The following SYMPK variants were observed in gnomAD, a reference collection of about 807,000 sequenced individuals.
SYMPK encodes the protein symplekin scaffold protein.
In SYMPK, 49 loss-of-function variants were observed where a neutral mutation model predicts 136.4. The observed-to-expected ratio is 0.36, with a 90% confidence interval of 0.29 to 0.46. The LOEUF (loss-of-function observed/expected upper bound fraction) is 0.46, where lower values mean the gene tolerates loss of function less well. Ranked by LOEUF, SYMPK falls within the 20% of genes least tolerant of loss-of-function variation. The pLI is 1.00. For synonymous variants in SYMPK, 766 were observed against 713.0 expected (o/e 1.07, Z -1.19); for missense variants, 1,365 against 1,690.0 (o/e 0.81, Z 3.37).
intron 1 of SYMPK, among the ~76,000 whole-genome samples, chr19:45,857,559 G>A (rs1204793073): frequency 1.4e-5 from 2 of 147,934 alleles, no homozygotes; most frequent in East Asian, 2.0e-4. Context: ...TGGCGTGATC[G>A]TGGCTCACTG....
At chr19:45,859,783 T>C (rs1971917771) in intron 1 of SYMPK, among the ~76,000 whole-genome samples, 1 of 151,572 alleles carries the variant, frequency 6.6e-6, no homozygotes, top group Admixed American at 6.6e-5. Context: ...GGTTCATGCC[T>C]ATAATCCCAA....
chr19:45,851,042 G>A (rs920667541), intron 5 of SYMPK, among the ~76,000 whole-genome samples: 1 of 152,096 alleles, frequency 6.6e-6, no homozygotes, highest in Non-Finnish European at 1.5e-5. Context: ...AGACAGAGAG[G>A]ATCAGAAGTG....
rs377479432 is a variant in SYMPK at position 45,854,272 on chromosome 19, C to T, written c.106-32G>A. On this transcript the variant is annotated intron_variant, in intron 2 of 26. Transcript: ENST00000245934. ...GGAGGGGGAGTGGCAGGGGATAGTG[C>T]CAGCCCAGTCCAGCCCAGTGCAGCC... 192 of 1,609,484 alleles carry T rather than the reference C, an allele frequency of 1.2e-4. 1 individual carries two copies. The African/African-American group carries it at 2.3e-3, about 19-fold the overall frequency.
intron 9 of SYMPK, among the ~76,000 whole-genome samples, chr19:45,840,025 T>C (rs1186077317): frequency 6.6e-6 from 1 of 152,096 alleles, no homozygotes; most frequent in Admixed American, 6.6e-5. Flanking sequence ...TCTCCAACAA[T>C]GGGACACCAT....
intron 1 of SYMPK, among the ~76,000 whole-genome samples, chr19:45,858,693 T>C (rs900679976): frequency 6.6e-6 from 1 of 152,154 alleles, no homozygotes; most frequent in Non-Finnish European, 1.5e-5. Context: ...TTTTGTATTT[T>C]TAGTAGAGAC....
In SYMPK at chr19:45,816,236, G is replaced by T; in HGVS notation, c.3355-53C>A. The stretch of plus-strand genomic sequence containing the variant: ...CTCAGAGGTGGGTGGCTCAGAGGAC[G>T]GCCGGAAAGAGAAGGAACCACCCTG... On this transcript the variant is annotated intron_variant, in intron 25 of 26. Transcript: ENST00000245934. The T allele has an allele frequency of 7.5e-7, 1 of 1,326,844 alleles. No individual in the cohort carries two copies. The highest frequency in any genetic ancestry group is 1.5e-5 in the South Asian group (1 of 67,448). The allele number at this position is 1,326,844 out of a possible 1,614,324, so 82.2% of individuals were successfully genotyped here. A position where few individuals can be genotyped will look rare whatever the true frequency, so the allele number is the denominator to read the frequency against.
chr19:45,828,010 G>C, intron 14 of SYMPK, 92 bp from the exon 15 acceptor site: 1 of 1,173,908 alleles, frequency 8.5e-7, no homozygotes, highest in Non-Finnish European at 1.3e-6. Flanking sequence ...GGGCCAGCAG[G>C]CCCTCCCTCA....
At chr19:45,844,629 C>T (rs562382649) in intron 7 of SYMPK, among the ~76,000 whole-genome samples, 3 of 151,650 alleles carry the variant, frequency 2.0e-5, no homozygotes, top group Admixed American at 6.6e-5. Context: ...GAGCCGAGAT[C>T]GCGCCACTGC....
rs1971715387 is a variant in SYMPK at position 45,852,379 on chromosome 19, T to C, written c.232A>G (p.Ile78Val). ...TLLDNFLDEI[I>V]AFQADKSIEV... ...ATTGACTTGTCTGCTTGGAATGCGA[T>C]GATCTCCTGCCAATGTTAGAGAGAA... is the stretch of plus-strand genomic sequence containing the variant. Residue 78 changes from isoleucine (I) to valine (V), a missense_variant, in exon 5 of 27, where the codon ATC becomes GTC. Ile to Val is a conservative substitution (Grantham distance 29, BLOSUM62 3). Around this residue, in one of 11 missense-constraint regions of SYMPK, gnomAD observed 237 missense variants for 292.9 expected, o/e 0.81. Coordinates refer to ENST00000245934, the MANE Select transcript of SYMPK (RefSeq NM_004819.3). The C allele has an allele frequency of 3.1e-6, 5 of 1,614,106 alleles. No individual in the cohort carries two copies. Among genetic ancestry groups the C allele is most frequent in the African/African-American group, 1.3e-5 (1 of 74,950 alleles).
At chr19:45,831,347 G>C (rs906525944) in intron 12 of SYMPK, 37 bp downstream of exon 12, 128 of 1,462,386 alleles carry the variant, frequency 8.8e-5, no homozygotes, top group Non-Finnish European at 1.1e-4. Flanking sequence ...TCAGGGTAGG[G>C]CTCCTGTCCT....
At chr19:45,848,990 G>A (rs1971632307) in intron 5 of SYMPK, 114 bp from the exon 6 acceptor site, 3 of 1,273,844 alleles carry the variant, frequency 2.4e-6, no homozygotes, top group Non-Finnish European at 3.4e-6. Flanking sequence ...GGACCGGAAT[G>A]GCACATCCAG....
At chr19:45,857,349 GCAGTGAGCTGAGATCACAA>G (rs1332584254) in intron 1 of SYMPK, among the ~76,000 whole-genome samples, 2 of 131,574 alleles carry the variant, frequency 1.5e-5, no homozygotes, top group Non-Finnish European at 3.1e-5. Context: ...AGCGGAACTT[GCAGTGAGCTGAGATCACAA>G]CACTGTACTC....
chr19:45,816,304 G>C (rs754536433), intron 25 of SYMPK, 121 bp from the exon 26 acceptor site: 2 of 1,115,828 alleles, frequency 1.8e-6, no homozygotes, highest in African/African-American at 3.2e-5. Flanking sequence ...GGGAGGAAGG[G>C]GCAGTTGTCC....
chr19:45,832,102 C>G lies in SYMPK; in HGVS notation c.1394-514G>C, dbSNP rs139369947. On this transcript the variant is annotated intron_variant, in intron 11 of 26. Transcript: ENST00000245934. ...AAGCGATCCTCCCGCCTTGGACTTC[C>G]AAAGTGCTGGGATTACAGGTATGAG... 5.7e-3 allele frequency among the ~76,000 whole-genome samples: 861 copies of G among 152,308 alleles called. 9 individuals carry two copies. Among genetic ancestry groups the G allele is most frequent in the African/African-American group, 0.02 (821 of 41,572 alleles).
In SYMPK at chr19:45,842,240, C is replaced by T; in HGVS notation, c.1087+10G>A. ...TGGTCTGCCTGCCCCACCCCACCAGCCCCTCTCACCCAGCTTCATCTTCTT... is the reference window on the plus strand; with the variant it reads ...TGGTCTGCCTGCCCCACCCCACCAGTCCCTCTCACCCAGCTTCATCTTCTT... On this transcript the variant is annotated intron_variant, in intron 9 of 26. Coordinates refer to ENST00000245934, the MANE Select transcript of SYMPK (RefSeq NM_004819.3). The T allele has an allele frequency of 9.3e-6, 15 of 1,613,912 alleles. No homozygotes were observed. The highest frequency in any genetic ancestry group is 1.3e-5 in the Non-Finnish European group (15 of 1,179,816).
chr19:45,847,691 G>A, intron 7 of SYMPK, 61 bp downstream of exon 7: 11 of 1,561,002 alleles, frequency 7.0e-6, no homozygotes, highest in African/African-American at 1.3e-5. Context: ...AGAGGGAGGG[G>A]CGTGAAGGAG....
intron 7 of SYMPK, among the ~76,000 whole-genome samples, chr19:45,846,391 C>A (rs1219786927): frequency 6.6e-6 from 1 of 152,172 alleles, no homozygotes; most frequent in Non-Finnish European, 1.5e-5. Flanking sequence ...GGCTGTCAAA[C>A]AATACATAAG....
At chr19:45,840,071 G>C (rs1971398949) in intron 9 of SYMPK, among the ~76,000 whole-genome samples, 1 of 152,048 alleles carries the variant, frequency 6.6e-6, no homozygotes, top group Non-Finnish European at 1.5e-5. Context: ...GCAACCAGGG[G>C]ATCACCTGAG....
At chr19:45,816,391 G>A (rs1027777661) in intron 25 of SYMPK, 91 bp downstream of exon 25, 4 of 1,473,936 alleles carry the variant, frequency 2.7e-6, no homozygotes, top group South Asian at 2.6e-5. Context: ...TGAGTCTCTC[G>A]GGGTCAGGAG....
Sources: allele counts gnomAD v4.1 joint callset (sites outside exome capture counted in the v4.1 genomes callset), GRCh38; gene constraint gnomAD v4.1.1; regional missense constraint gnomAD v4.1.1; transcripts MANE v1.5; gene names NCBI Gene and HGNC (gene_info 2026-07-23, HGNC 2026-07-21).